The following MAGI3 variants were observed in gnomAD, a reference collection of about 807,000 sequenced individuals.
MAGI3 encodes the protein membrane associated guanylate kinase, WW and PDZ domain containing 3.
In MAGI3, 43 loss-of-function variants were observed where a neutral mutation model predicts 121.8. The observed-to-expected ratio is 0.35, with a 90% CI of 0.28 to 0.46. The LOEUF (loss-of-function observed/expected upper bound fraction) is 0.46, where lower values mean the gene tolerates loss of function less well. MAGI3 is among the 20% of genes least tolerant of loss of function. MAGI3 has a pLI of 1.00. For missense variants in MAGI3, 1,547 were observed against 1,797.3 expected, an observed-to-expected ratio of 0.86 and a Z score of 2.52; for synonymous variants, 553 against 639.3, an observed-to-expected ratio of 0.86 and a Z score of 2.04.
chr1:113,680,678 A>G (rs1648164415), intron 19 of MAGI3, among the ~76,000 whole-genome samples: 1 of 152,062 alleles, frequency 6.6e-6, no homozygotes, highest in African/African-American at 2.4e-5. Context: ...AATGGCGTGA[A>G]CCCAGGAGGC....
intron 9 of MAGI3, among the ~76,000 whole-genome samples, chr1:113,639,188 A>C (rs1319357767): frequency 1.3e-5 from 2 of 152,242 alleles, no homozygotes; most frequent in Non-Finnish European, 2.9e-5. Context: ...GCACTTCCCG[A>C]GTGAGGCAAT....
chr1:113,683,814 G>A lies in MAGI3; in HGVS notation c.4246G>A (p.Glu1416Lys). Residue 1416 changes from glutamate to lysine, a missense_variant, in exon 21 of 21, where the codon GAA becomes AAA. Coordinates refer to ENST00000307546, the MANE Select transcript of MAGI3 (RefSeq NM_001142782.2). The part of the protein sequence containing the change: ...LSEKRLKQEP[E>K]EKVVSNKTED... ...AGAAAAGAGGCTGAAGCAAGAACCT[G>A]AAGAGAAGGTAGTTTCAAACAAAAC... 1.9e-6 allele frequency: 3 copies of A among 1,610,692 alleles called. No individual in the cohort carries two copies. In the African/African-American group the frequency reaches 4.0e-5, roughly 21 times the overall value.
At chr1:113,413,855 T>C (rs1262416684) in intron 1 of MAGI3, among the ~76,000 whole-genome samples, 1 of 152,188 alleles carries the variant, frequency 6.6e-6, no homozygotes, top group Non-Finnish European at 1.5e-5. Flanking sequence ...CATTTCCTAA[T>C]TGGATACCCT....
chr1:113,672,505 C>T (rs1647617880), intron 17 of MAGI3, 110 bp from the exon 18 acceptor site: 1 of 1,244,710 alleles, frequency 8.0e-7, no homozygotes, highest in Non-Finnish European at 1.1e-6. Context: ...AGTGGTTTGT[C>T]AGAGGGAAAA....
At chr1:113,468,367 G>GT (rs1168556645) in intron 1 of MAGI3, among the ~76,000 whole-genome samples, 5 of 152,016 alleles carry the variant, frequency 3.3e-5, no homozygotes, top group African/African-American at 1.2e-4. Flanking sequence ...TCTATTACAG[G>GT]TTTTTTGCAT....
intron 1 of MAGI3, among the ~76,000 whole-genome samples, chr1:113,442,242 A>G (rs972590215): frequency 3.3e-5 from 5 of 152,182 alleles, no homozygotes; most frequent in Non-Finnish European, 7.3e-5. Context: ...GAGATAGATG[A>G]AGAAAAGGCA....
At position 113,422,649 on chromosome 1, in the gene MAGI3, C is replaced by T. The variant is rs753229234; in HGVS notation, c.316+31300C>T. On this transcript the variant is annotated intron_variant, in intron 1 of 20. Coordinates refer to ENST00000307546, the MANE Select transcript of MAGI3 (RefSeq NM_001142782.2). The surrounding 1 kb of genome is among the most constrained non-coding windows in gnomAD (Gnocchi z 4.3). ...AAGGGTGCATCTATACCAGACATAC[C>T]GCAAGCAGCTTCTGCTGCGGGCACT... Among the ~76,000 whole-genome samples, 38 of 152,244 alleles carry T rather than the reference C, an allele frequency of 2.5e-4. No homozygotes were observed. Among genetic ancestry groups the T allele is most frequent in the African/African-American group, 5.3e-4 (22 of 41,480 alleles).
intron 16 of MAGI3, among the ~76,000 whole-genome samples, chr1:113,659,941 T>C (rs1653691791): frequency 6.6e-6 from 1 of 152,210 alleles, no homozygotes; most frequent in Non-Finnish European, 1.5e-5. Flanking sequence ...TTTGCAAAAC[T>C]AACAAGGAGA....
At chr1:113,652,616 T>C (rs1227671610) in intron 14 of MAGI3, among the ~76,000 whole-genome samples, 1 of 152,126 alleles carries the variant, frequency 6.6e-6, no homozygotes, top group Non-Finnish European at 1.5e-5. Flanking sequence ...TAGTTTGGTA[T>C]TATTGGAGAC....
At chr1:113,599,920 C>T (rs1485496483) in intron 6 of MAGI3, among the ~76,000 whole-genome samples, 11 of 152,080 alleles carry the variant, frequency 7.2e-5, no homozygotes, top group South Asian at 6.2e-4. Flanking sequence ...GTTCAATATA[C>T]GCAAATCAAT....
chr1:113,566,285 A>G (rs1380842916), intron 2 of MAGI3, among the ~76,000 whole-genome samples: 1 of 152,194 alleles, frequency 6.6e-6, no homozygotes, highest in Non-Finnish European at 1.5e-5. Context: ...AAGTCATGTA[A>G]GTTAATAGCA....
At chr1:113,592,555 C>A (rs1648750097) in intron 5 of MAGI3, among the ~76,000 whole-genome samples, 1 of 152,116 alleles carries the variant, frequency 6.6e-6, no homozygotes, top group Admixed American at 6.5e-5. Flanking sequence ...ATCTATGTGG[C>A]TCCTAGGCCC....
At chr1:113,668,599 G>A (rs1489173330) in intron 16 of MAGI3, among the ~76,000 whole-genome samples, 4 of 110,452 alleles carry the variant, frequency 3.6e-5, no homozygotes, top group Non-Finnish European at 7.0e-5. Flanking sequence ...TTTTTGAGAC[G>A]GAGTCTCGCT....
intron 15 of MAGI3, among the ~76,000 whole-genome samples, chr1:113,655,954 T>A (rs988371132): frequency 6.6e-6 from 1 of 151,602 alleles, no homozygotes; most frequent in Non-Finnish European, 1.5e-5. Flanking sequence ...ACTTTTCTTT[T>A]AAAAAAAAAC....
intron 1 of MAGI3, among the ~76,000 whole-genome samples, chr1:113,506,535 A>G (rs1426936927): frequency 6.6e-6 from 1 of 152,176 alleles, no homozygotes; most frequent in East Asian, 1.9e-4. Flanking sequence ...TTAAGGTAAC[A>G]AAAACCACTT....
intron 14 of MAGI3, among the ~76,000 whole-genome samples, 177 bp downstream of exon 14, chr1:113,651,383 A>C (rs1244783116): frequency 2.0e-5 from 3 of 152,238 alleles, no homozygotes; most frequent in African/African-American, 4.8e-5. Context: ...TTCAGAAATA[A>C]TACTACTATA....
chr1:113,401,643 C>T (rs1432867194), intron 1 of MAGI3, among the ~76,000 whole-genome samples: 1 of 152,036 alleles, frequency 6.6e-6, no homozygotes, highest in Non-Finnish European at 1.5e-5. Context: ...TTTCTACTTC[C>T]TCTGTAATTC....
chr1:113,431,725 G>T (rs1399048031), intron 1 of MAGI3, among the ~76,000 whole-genome samples: 1 of 152,090 alleles, frequency 6.6e-6, no homozygotes, highest in East Asian at 1.9e-4. Flanking sequence ...ATCTTAAATG[G>T]AGAGAAAAAA....
At chr1:113,568,545 A>C (rs182129635) in intron 2 of MAGI3, among the ~76,000 whole-genome samples, 60 of 152,220 alleles carry the variant, frequency 3.9e-4, no homozygotes, top group Admixed American at 1.8e-3. Context: ...TGGACTTGCT[A>C]TACTATATAT....
Sources: gnomAD v4.1 joint callset for allele counts (sites outside exome capture counted in the v4.1 genomes callset) on GRCh38, gnomAD v4.1.1 for gene constraint, Gnocchi (gnomAD v3.1) non-coding constraint, MANE v1.5 for transcripts, NCBI Gene and HGNC (gene_info 2026-07-23, HGNC 2026-07-21) for gene names.